The following PCNX2 variants were observed in gnomAD, a reference collection of about 807,000 sequenced individuals.
The protein encoded by PCNX2 is pecanex 2, also known as pecanex-like protein 2.
PCNX2 carries 168 observed loss-of-function variants against 223.8 expected under a neutral mutation model. The observed-to-expected ratio is 0.75, with a 90% CI of 0.66 to 0.85. The LOEUF (loss-of-function observed/expected upper bound fraction) is 0.85. Among genes scored for constraint, PCNX2 ranks in the 40% least tolerant of loss-of-function variants. The pLI is 0.00. For missense variants in PCNX2, 2,507 were observed against 2,675.5 expected (o/e 0.94, Z 1.39); for synonymous variants, 1,006 against 1,052.6 (o/e 0.96, Z 0.86).
At chr1:233,154,181 C>T (rs1402023217) in intron 19 of PCNX2, among the ~76,000 whole-genome samples, 10 of 152,076 alleles carry the variant, frequency 6.6e-5, no homozygotes, top group East Asian at 3.9e-4. Context: ...TGGGTTCAAG[C>T]GATTCTCCTG....
At chr1:233,118,172 G>C (rs943547830) in intron 21 of PCNX2, among the ~76,000 whole-genome samples, 3 of 152,052 alleles carry the variant, frequency 2.0e-5, no homozygotes, top group African/African-American at 7.2e-5. Context: ...AAAAGCATTT[G>C]ACAAAATGGA....
intron 23 of PCNX2, 23 bp downstream of exon 23, chr1:233,090,038 G>A (rs200959072): frequency 5.8e-5 from 93 of 1,613,184 alleles, no homozygotes; most frequent in Middle Eastern, 1.6e-4. Flanking sequence ...AAAAGCAATT[G>A]AGCACTGATT....
chr1:233,087,630 T>C (rs990690949), intron 23 of PCNX2, among the ~76,000 whole-genome samples: 3 of 152,184 alleles, frequency 2.0e-5, no homozygotes, highest in Non-Finnish European at 4.4e-5. Flanking sequence ...GTCACTTCCT[T>C]TCCTGGTACC....
Position 233,295,550 on chromosome 1 carries a change from T to A in PCNX2, c.-72A>T. 2.1e-6 allele frequency: 3 copies of A among 1,424,774 alleles called. No homozygotes were observed. In the African/African-American group the frequency reaches 4.5e-5, roughly 21 times the overall value. 88.3% of individuals were successfully genotyped at this position (1,424,774 alleles called of 1,614,324 possible). On this transcript the variant is annotated 5_prime_UTR_variant, in exon 1 of 34. Transcript: ENST00000258229. The surrounding 1 kb of genome is among the most constrained non-coding windows in gnomAD (Gnocchi z 4.1). ...GCCCCGGCCGGATCTCCAGGCTCCC[T>A]CAGGTCTAACACCCGGGCCCGCGGG...
intron 21 of PCNX2, among the ~76,000 whole-genome samples, chr1:233,101,143 C>T (rs1042838530): frequency 6.6e-6 from 1 of 152,008 alleles, no homozygotes; most frequent in Non-Finnish European, 1.5e-5. Flanking sequence ...GAGGAGGGAG[C>T]CCAGCTGAGG....
At chr1:232,998,548 T>C in intron 31 of PCNX2, 110 bp from the exon 32 acceptor site, 1 of 1,160,726 alleles carries the variant, frequency 8.6e-7, no homozygotes, top group South Asian at 1.5e-5. Context: ...GCTCTCCAGG[T>C]GAGTAGCCCA....
intron 25 of PCNX2, among the ~76,000 whole-genome samples, chr1:233,026,774 A>G (rs931922433): frequency 2.6e-5 from 4 of 152,170 alleles, no homozygotes; most frequent in South Asian, 2.1e-4. Flanking sequence ...TTGCAGGAGG[A>G]CCAGCCTTTG....
At position 233,258,851 on chromosome 1, in the gene PCNX2, G is replaced by A. The variant is rs1216796988; in HGVS notation, c.1011C>T (p.Cys337=). 2.5e-6 allele frequency: 4 copies of A among 1,613,934 alleles called. No individual in the cohort carries two copies. The highest frequency in any genetic ancestry group is 3.4e-6 in the Non-Finnish European group (4 of 1,179,900). Residue 337 remains cysteine (C), a synonymous_variant, in exon 5 of 34, where the codon TGC becomes TGT. Transcript: ENST00000258229. ...ADTSCQVDTS[C]QGDLPLHQEV... Reference sequence around the variant, plus strand: ...CCTGGTGCAAGGGCAGGTCCCCCTGGCAGGAGGTATCTACCTGACAGGATG... The same window carrying A: ...CCTGGTGCAAGGGCAGGTCCCCCTGACAGGAGGTATCTACCTGACAGGATG...
At chr1:233,300,577 G>T (rs1431329641), upstream of PCNX2, among the ~76,000 whole-genome samples, 3 of 152,162 alleles carry the variant, frequency 2.0e-5, no homozygotes, top group Admixed American at 2.0e-4. Context: ...CAGTGGGGTT[G>T]GAGTAGAGTA....
intron 25 of PCNX2, among the ~76,000 whole-genome samples, chr1:233,053,165 T>C (rs56879866): frequency 0.19 from 28,565 of 151,858 alleles, 3,099 homozygotes; most frequent in East Asian, 0.33. Flanking sequence ...ATATAGTCCC[T>C]GACACTGGCG....
chr1:233,184,742 G>C (rs1679992922), intron 15 of PCNX2, among the ~76,000 whole-genome samples: 1 of 152,090 alleles, frequency 6.6e-6, no homozygotes, highest in Non-Finnish European at 1.5e-5. Context: ...TTGAACAGGA[G>C]TAAATGGCAA....
At chr1:233,251,274 G>A (rs1049566073) in intron 7 of PCNX2, among the ~76,000 whole-genome samples, 3 of 152,168 alleles carry the variant, frequency 2.0e-5, no homozygotes, top group Non-Finnish European at 4.4e-5. Flanking sequence ...TTGGTGGACC[G>A]CATGAGACCA....
intron 19 of PCNX2, 131 bp downstream of exon 19, chr1:233,160,152 G>T: frequency 1.0e-6 from 1 of 965,074 alleles, no homozygotes; most frequent in Non-Finnish European, 1.5e-6. Context: ...TACACATAAT[G>T]TACCATCTGC....
intron 17 of PCNX2, among the ~76,000 whole-genome samples, chr1:233,164,286 A>C (rs1403055518): frequency 6.6e-6 from 1 of 152,192 alleles, no homozygotes; most frequent in Non-Finnish European, 1.5e-5. Context: ...ATTATCAACA[A>C]ATGCTGGTAT....
chr1:233,202,593 T>A (rs917704927), intron 13 of PCNX2, among the ~76,000 whole-genome samples: 4 of 152,158 alleles, frequency 2.6e-5, no homozygotes, highest in Admixed American at 2.6e-4. Context: ...AATGTCCTCA[T>A]ATGGACTGAG....
intron 26 of PCNX2, 92 bp from the exon 27 acceptor site, chr1:233,017,246 A>G (rs993907347): frequency 1.1e-6 from 1 of 912,042 alleles, no homozygotes; most frequent in African/African-American, 1.8e-5. Flanking sequence ...AAATCCCTAC[A>G]TGTGGTATCA....
intron 22 of PCNX2, among the ~76,000 whole-genome samples, chr1:233,093,013 A>C (rs545782431): frequency 5.3e-5 from 8 of 152,070 alleles, no homozygotes; most frequent in East Asian, 1.9e-4. Context: ...GTTAGCCAGG[A>C]TGGTCTCAAT....
At chr1:233,324,968 T>C in the PCNX2 span, among the ~76,000 whole-genome samples, 1 of 152,198 alleles carries the variant, frequency 6.6e-6, no homozygotes, top group Admixed American at 6.5e-5. Flanking sequence ...TTACTACTCA[T>C]TGACAATGTA....
intron 12 of PCNX2, 120 bp from the exon 13 acceptor site, chr1:233,208,809 A>C: frequency 5.3e-6 from 2 of 380,264 alleles, no homozygotes; most frequent in Non-Finnish European, 8.0e-6. Flanking sequence ...TTTCCCCCAA[A>C]CACCACAATT....
Sources: allele counts gnomAD v4.1 joint callset (sites outside exome capture counted in the v4.1 genomes callset), GRCh38; gene constraint gnomAD v4.1.1; non-coding constraint Gnocchi (gnomAD v3.1); transcripts MANE v1.5; gene names NCBI Gene and HGNC (gene_info 2026-07-23, HGNC 2026-07-21).